Variants in RFLNA observed in about 807,000 individuals in gnomAD.
RFLNA encodes refilin-A.
RFLNA carries 5 observed loss-of-function variants against 7.8 expected under a neutral mutation model. That is an observed-to-expected ratio of 0.64 (90% CI 0.34 to 1.35). RFLNA has a LOEUF of 1.35. Among genes scored for constraint, RFLNA ranks in the 40% most tolerant of loss-of-function variants. The probability of loss-of-function intolerance (pLI) is 0.04; values close to 1 mark genes in which losing one functional copy is unlikely to be tolerated. For synonymous variants in RFLNA, 141 were observed against 131.3 expected (o/e 1.07, Z -0.50); for missense variants, 278 against 305.5 (o/e 0.91, Z 0.67).
At chr12:124,313,300 G>A (rs900528519) in intron 2 of RFLNA, among the ~76,000 whole-genome samples, 4 of 152,148 alleles carry the variant, frequency 2.6e-5, no homozygotes, top group Middle Eastern at 3.2e-3. Context: ...TCTGGACGTG[G>A]AACTGGGGGA....
At chr12:124,311,269 A>G (rs1316064592) in intron 1 of RFLNA, among the ~76,000 whole-genome samples, 1 of 146,072 alleles carries the variant, frequency 6.8e-6, no homozygotes, top group African/African-American at 2.6e-5. Context: ...TCCTGCAGAC[A>G]TCTGCTATTC....
At chr12:124,309,906 C>G (rs181174402) in intron 1 of RFLNA, among the ~76,000 whole-genome samples, 24 of 152,292 alleles carry the variant, frequency 1.6e-4, no homozygotes, top group African/African-American at 5.3e-4. Context: ...TGGTGGCTCA[C>G]GCCTGCAGTT....
In RFLNA at chr12:124,289,341, G is replaced by T. The variant is rs1439224276; in HGVS notation, c.-66G>T. ...TTTCCAGCCGGGAAGAAGCCTCTCA[G>T]CCGTAGGCGTCTTTGCCCGGAGCTG... On this transcript the variant is annotated 5_prime_UTR_variant, in exon 1 of 3. Coordinates refer to the RFLNA transcript ENST00000324038. This position sits in a 1 kb window ranked among gnomAD's most constrained non-coding sequence, Gnocchi z 5.0. 6.6e-6 allele frequency: 1 copy of T among 152,232 alleles called. No homozygotes were observed. Among genetic ancestry groups the T allele is most frequent in the Non-Finnish European group, 1.5e-5 (1 of 68,044 alleles). 9.4% of individuals were successfully genotyped at this position (152,232 alleles called of 1,614,324 possible).
chr12:124,310,176 A>AAAAAAAAAAAAAAC (rs1407251855), intron 1 of RFLNA, among the ~76,000 whole-genome samples: 1 of 133,386 alleles, frequency 7.5e-6, no homozygotes, highest in African/African-American at 2.7e-5. Context: ...CTGTCTCAAA[A>AAAAAAAAAAAAAAC]AAAAAAAAAA....
Position 124,295,609 on chromosome 12 carries a change from G to GC in RFLNA, c.185dup (p.Pro64ThrfsTer41). 1 of 1,224,676 alleles carries GC rather than the reference G, an allele frequency of 8.2e-7. No individual in the cohort carries two copies. Among genetic ancestry groups the GC allele is most frequent in the Non-Finnish European group, 1.0e-6 (1 of 984,528 alleles). 75.9% of individuals were successfully genotyped at this position (1,224,676 alleles called of 1,614,324 possible). ...CGGGGGGCGCCGGCGCCTCCTCGGAGCCCCCGGGACCCAGCGAGGCCAGAG... is the reference window on the plus strand; with the variant it reads ...CGGGGGGCGCCGGCGCCTCCTCGGAGCCCCCCGGGACCCAGCGAGGCCAGAG... On this transcript the variant is annotated frameshift_variant, in exon 1 of 3. Coordinates refer to ENST00000546355, the MANE Select transcript of RFLNA (RefSeq NM_001365156.1). LOFTEE classifies it high-confidence loss of function.
intron 1 of RFLNA, among the ~76,000 whole-genome samples, chr12:124,302,747 AG>A (rs905117031): frequency 3.1e-4 from 44 of 143,494 alleles, no homozygotes; most frequent in African/African-American, 1.1e-3. Flanking sequence ...TGACAGCAGC[AG>A]GGGTTCTCAC....
intron 1 of RFLNA, among the ~76,000 whole-genome samples, chr12:124,299,440 T>G (rs10846650): frequency 0.13 from 20,276 of 152,226 alleles, 1,671 homozygotes; most frequent in East Asian, 0.3. Context: ...TTGTGGGATT[T>G]TGGTGCACCC....
In RFLNA at chr12:124,314,423, G is replaced by C; in HGVS notation, c.549G>C (p.Leu183=). ...KHARSTFRTT[L]HCSLGRPSRW... ...CCAGGAGCACTTTCCGGACCACCCT[G>C]CACTGCAGCCTGGGCCGGCCCAGCC... The change falls in exon 3 of 3, where the codon CTG becomes CTC. Residue 183 remains leucine, a synonymous_variant. Transcript: ENST00000546355. The C allele has an allele frequency of 6.2e-7, 1 of 1,605,518 alleles. No homozygotes were observed.
At chr12:124,301,741 G>C (rs560376253) in intron 1 of RFLNA, among the ~76,000 whole-genome samples, 3 of 152,170 alleles carry the variant, frequency 2.0e-5, no homozygotes, top group Non-Finnish European at 4.4e-5. Context: ...GGGGAAGTGG[G>C]AGACCCTGCC....
Position 124,295,351 on chromosome 12 carries a change from C to A in RFLNA, c.-79C>A. On this transcript the variant is annotated 5_prime_UTR_variant, in exon 1 of 3. Coordinates refer to ENST00000546355, the MANE Select transcript of RFLNA (RefSeq NM_001365156.1). ...CCCGGGCGCGCAGCTCTCGCCCCGC[C>A]GCCGCCTGCCCCGGGCCCCGGAGCG... 2 of 888,654 alleles carry A rather than the reference C, an allele frequency of 2.3e-6. No homozygotes were observed. Among genetic ancestry groups the A allele is most frequent in the Non-Finnish European group, 1.5e-6 (1 of 681,846 alleles). The allele number at this position is 888,654 out of a possible 1,614,324, so 55.0% of individuals were successfully genotyped here.
At position 124,303,403 on chromosome 12, in the gene RFLNA, A is replaced by G. The variant is rs535086614; in HGVS notation, c.207+7767A>G. ...TTGGCGAGTGTCCACAGGACCCAAC[A>G]CCCTCCAGGGCCCGTCCTGCCCCCC... is the stretch of plus-strand genomic sequence containing the variant. On this transcript the variant is annotated intron_variant, in intron 1 of 2. Coordinates refer to ENST00000546355, the MANE Select transcript of RFLNA (RefSeq NM_001365156.1). 1.5e-3 allele frequency among the ~76,000 whole-genome samples: 223 copies of G among 151,908 alleles called. 1 individual carries two copies. The highest frequency in any genetic ancestry group is 4.9e-3 in the African/African-American group (205 of 41,444).
chr12:124,295,086 G>A (rs933671093), upstream of RFLNA: 15 of 152,466 alleles, frequency 9.8e-5, no homozygotes, highest in African/African-American at 3.6e-4. Context: ...GCGGGCCGGG[G>A]AGGTGCGGAG....
Position 124,311,840 on chromosome 12 carries a change from C to A in RFLNA, c.230C>A (p.Pro77His). The change falls in exon 2 of 3, where the codon CCC (proline) becomes CAC (histidine). Residue 77 changes from proline to histidine, a missense_variant. Physicochemically the swap from Pro to His is moderately conservative, Grantham distance 77 (BLOSUM62 -2). Coordinates refer to ENST00000546355, the MANE Select transcript of RFLNA (RefSeq NM_001365156.1). The stretch of plus-strand genomic sequence containing the variant: ...CAGCCCCCCTCCCAACTCCCAAATC[C>A]CCCGGCGTCGGAGATGAGGCCCCGG... ...ARAPPSQLPN[P>H]PASEMRPRML... The A allele has an allele frequency of 6.3e-7, 1 of 1,598,642 alleles. No homozygotes were observed. The highest frequency in any genetic ancestry group is 1.4e-5 in the African/African-American group (1 of 73,842).
chr12:124,309,210 C>G (rs1248679100), intron 1 of RFLNA, among the ~76,000 whole-genome samples: 2 of 152,170 alleles, frequency 1.3e-5, no homozygotes, highest in Non-Finnish European at 2.9e-5. Context: ...TGCTTCCCCC[C>G]CACCGATCAC....
At chr12:124,290,253 T>G (rs560758290), upstream of RFLNA, among the ~76,000 whole-genome samples, 2 of 152,064 alleles carry the variant, frequency 1.3e-5, no homozygotes, top group Non-Finnish European at 2.9e-5. The surrounding 1 kb of genome is among the most constrained non-coding windows in gnomAD (Gnocchi z 4.0). Context: ...CATGCGTGTA[T>G]ACGTGTGTGG....
At chr12:124,292,151 C>T (rs541237371), upstream of RFLNA, among the ~76,000 whole-genome samples, 9 of 152,326 alleles carry the variant, frequency 5.9e-5, no homozygotes, top group South Asian at 4.1e-4. Context: ...ACTTTGGAAG[C>T]GATTTGGATC....
At chr12:124,301,814 AT>A (rs1359505570) in intron 1 of RFLNA, among the ~76,000 whole-genome samples, 3 of 152,046 alleles carry the variant, frequency 2.0e-5, no homozygotes. Flanking sequence ...CCACTCTGTT[AT>A]TGGCTGGCAG....
At chr12:124,299,399 T>G (rs1409123498) in intron 1 of RFLNA, among the ~76,000 whole-genome samples, 2 of 152,234 alleles carry the variant, frequency 1.3e-5, no homozygotes. Context: ...AGGTGGTATT[T>G]GGTGACATGA....
rs559952218 is a variant in RFLNA, at chr12:124,310,965, G to A, written c.208-853G>A. ...GATTTGCTGGTGCTCACAACTGAGG[G>A]ACAGTTTCAGGTGTGGCTCGATCCA... On this transcript the variant is annotated intron_variant, in intron 1 of 2. Transcript: ENST00000546355. Among the ~76,000 whole-genome samples the A allele has an allele frequency of 2.5e-4, 38 of 152,354 alleles. No homozygotes were observed. The South Asian group carries it at 6.2e-3, about 25-fold the overall frequency.
Sources: allele counts gnomAD v4.1 joint callset (sites outside exome capture counted in the v4.1 genomes callset), GRCh38; gene constraint gnomAD v4.1.1; non-coding constraint Gnocchi (gnomAD v3.1); transcripts MANE v1.5; gene names NCBI Gene and HGNC (gene_info 2026-07-23, HGNC 2026-07-21).